Variants in PRKG1 observed in about 807,000 individuals in gnomAD.
PRKG1 encodes protein kinase cGMP-dependent 1, also known as cGMP-dependent protein kinase 1.
PRKG1 carries 35 observed loss-of-function variants against 88.1 expected under a neutral mutation model. The observed-to-expected ratio is 0.40, with a 90% CI of 0.30 to 0.53. The LOEUF (loss-of-function observed/expected upper bound fraction) is 0.53, where lower values mean the gene tolerates loss of function less well. Among genes scored for constraint, PRKG1 ranks in the 20% least tolerant of loss-of-function variants. The pLI, the probability that PRKG1 is intolerant of heterozygous loss-of-function variation, is 0.59. For synonymous variants in PRKG1, 303 were observed against 292.5 expected (o/e 1.04, Z -0.37); for missense variants, 540 against 839.8 (o/e 0.64, Z 4.41).
At chr10:51,647,674 T>G (rs182721520) in intron 3 of PRKG1, among the ~76,000 whole-genome samples, 146 of 152,266 alleles carry the variant, frequency 9.6e-4, no homozygotes, top group South Asian at 4.8e-3. Flanking sequence ...ACCCTAACCT[T>G]TCTCGTTGTT....
chr10:51,722,281 A>G (rs1383279324), intron 3 of PRKG1, among the ~76,000 whole-genome samples: 3 of 151,836 alleles, frequency 2.0e-5, no homozygotes, highest in Non-Finnish European at 4.4e-5. Context: ...TGCCATCACA[A>G]TTTTCTTCTG....
intron 9 of PRKG1, among the ~76,000 whole-genome samples, chr10:52,180,582 T>C (rs1838991462): frequency 1.3e-5 from 2 of 152,288 alleles, no homozygotes; most frequent in African/African-American, 4.8e-5. Flanking sequence ...TATAGGAGTG[T>C]GTTGACTTTT....
intron 5 of PRKG1, among the ~76,000 whole-genome samples, chr10:52,022,639 G>A (rs1845215066): frequency 6.6e-6 from 1 of 152,082 alleles, no homozygotes; most frequent in Non-Finnish European, 1.5e-5. Context: ...ACTCTAAGTT[G>A]TACAATAGTG....
chr10:51,040,635 C>G (rs1843408926), intron 1 of PRKG1, among the ~76,000 whole-genome samples: 1 of 151,930 alleles, frequency 6.6e-6, no homozygotes, highest in Non-Finnish European at 1.5e-5. Flanking sequence ...TTTCTTTCAT[C>G]AGCGTTTTTT....
intron 3 of PRKG1, among the ~76,000 whole-genome samples, chr10:51,742,926 T>G (rs1837470909): frequency 6.6e-6 from 1 of 152,042 alleles, no homozygotes; most frequent in Admixed American, 6.6e-5. Flanking sequence ...AAATACCTAA[T>G]GCATGCAGGG....
chr10:51,897,068 G>A (rs1408235377), intron 4 of PRKG1, among the ~76,000 whole-genome samples: 1 of 152,134 alleles, frequency 6.6e-6, no homozygotes, highest in African/African-American at 2.4e-5. Context: ...AGAAAGACCA[G>A]TTATAAGACA....
At chr10:51,502,179 T>C (rs1589022685) in intron 3 of PRKG1, among the ~76,000 whole-genome samples, 1 of 152,268 alleles carries the variant, frequency 6.6e-6, no homozygotes, top group Admixed American at 6.5e-5. Flanking sequence ...TTTGTTAGAA[T>C]AGAAGTGGGC....
At position 51,950,585 on chromosome 10, in the gene PRKG1, C is replaced by G. The variant is rs141134879; in HGVS notation, c.762+43015C>G. Among the ~76,000 whole-genome samples, 434 of 152,380 alleles carry G rather than the reference C, an allele frequency of 2.8e-3. 1 individual carries two copies. Among genetic ancestry groups the G allele is most frequent in the African/African-American group, 9.6e-3 (401 of 41,594 alleles). On this transcript the variant is annotated intron_variant, in intron 5 of 17. Transcript: ENST00000373980. ...GGCCATTCCAAGCACAACACAGGAGCAAGCTTCATGTGGGGCCTGCAGCCA... is the reference window on the plus strand; with the variant it reads ...GGCCATTCCAAGCACAACACAGGAGGAAGCTTCATGTGGGGCCTGCAGCCA...
intron 2 of PRKG1, among the ~76,000 whole-genome samples, chr10:51,321,108 G>A (rs1841443641): frequency 6.6e-6 from 1 of 151,986 alleles, no homozygotes; most frequent in Admixed American, 6.6e-5. Context: ...TGTGTATATG[G>A]TGCAATTCAG....
intron 3 of PRKG1, among the ~76,000 whole-genome samples, chr10:51,709,207 C>T (rs1841682410): frequency 6.6e-6 from 1 of 152,136 alleles, no homozygotes; most frequent in Admixed American, 6.5e-5. Context: ...GTTTAGCCAC[C>T]AATTCACAGT....
At chr10:51,962,112 C>A (rs994156700) in intron 5 of PRKG1, among the ~76,000 whole-genome samples, 1 of 152,124 alleles carries the variant, frequency 6.6e-6, no homozygotes, top group Non-Finnish European at 1.5e-5. Context: ...AAGAGTACAC[C>A]ACAGGCTGGA....
intron 3 of PRKG1, among the ~76,000 whole-genome samples, chr10:51,483,734 C>T (rs1840440903): frequency 6.6e-6 from 1 of 152,150 alleles, no homozygotes; most frequent in Admixed American, 6.5e-5. Flanking sequence ...TTCATCTAAA[C>T]TATGAAGATT....
intron 3 of PRKG1, among the ~76,000 whole-genome samples, chr10:51,543,677 G>T (rs1842370832): frequency 6.6e-6 from 1 of 152,152 alleles, no homozygotes; most frequent in African/African-American, 2.4e-5. Context: ...CACCTGCTCT[G>T]CTGTGAAGAC....
intron 3 of PRKG1, among the ~76,000 whole-genome samples, chr10:51,550,516 G>T (rs538380444): frequency 6.6e-6 from 1 of 152,018 alleles, no homozygotes; most frequent in African/African-American, 2.4e-5. Flanking sequence ...TTTCATAAAT[G>T]CCTGGGAATA....
At chr10:52,033,142 C>T (rs937281719) in intron 5 of PRKG1, among the ~76,000 whole-genome samples, 3 of 152,106 alleles carry the variant, frequency 2.0e-5, no homozygotes, top group East Asian at 3.9e-4. Flanking sequence ...CAAATGCCAC[C>T]TTAGTACTTT....
At chr10:51,384,967 CAA>C (rs1376037293) in intron 2 of PRKG1, among the ~76,000 whole-genome samples, 1 of 152,144 alleles carries the variant, frequency 6.6e-6, no homozygotes, top group Non-Finnish European at 1.5e-5. Context: ...ACAAATGAAA[CAA>C]GAACATAATC....
At chr10:51,899,694 T>TATATAC (rs1165503542) in intron 4 of PRKG1, among the ~76,000 whole-genome samples, 2,132 of 142,708 alleles carry the variant, frequency 0.015, 79 homozygotes, top group African/African-American at 0.054. Flanking sequence ...TATATATATA[T>TATATAC]ACAAATTTCT....
chr10:52,263,464 T>G (rs1346202179), intron 10 of PRKG1, among the ~76,000 whole-genome samples: 3 of 152,116 alleles, frequency 2.0e-5, no homozygotes, highest in African/African-American at 7.2e-5. Flanking sequence ...AGGGTATAAT[T>G]CAGTGATTTT....
chr10:52,128,564 T>A (rs1837165250), intron 7 of PRKG1: 1 of 985,248 alleles, frequency 1.0e-6, no homozygotes, highest in Admixed American at 6.2e-5. Flanking sequence ...AAACCTATAT[T>A]TGCAAATATT....
Sources: gnomAD v4.1 joint callset for allele counts (sites outside exome capture counted in the v4.1 genomes callset) on GRCh38, gnomAD v4.1.1 for gene constraint, MANE v1.5 for transcripts, NCBI Gene and HGNC (gene_info 2026-07-23, HGNC 2026-07-21) for gene names.